The following PRIM2 variants were observed in gnomAD, a reference collection of about 807,000 sequenced individuals.
PRIM2 encodes DNA primase subunit 2.
A neutral mutation model predicts 67.3 loss-of-function variants in PRIM2; 39 were observed. The observed-to-expected ratio is 0.58, with a 90% CI of 0.45 to 0.76. PRIM2 has a LOEUF of 0.76. PRIM2 is among the 30% of genes least tolerant of loss of function. PRIM2 has a pLI of 0.00. For synonymous variants in PRIM2, 143 were observed against 198.7 expected, an observed-to-expected ratio of 0.72 and a Z score of 2.36; for missense variants, 398 against 598.7, an observed-to-expected ratio of 0.66 and a Z score of 3.50.
chr6:57,341,703 C>CT (rs1347383528), intron 5 of PRIM2, among the ~76,000 whole-genome samples: 2 of 152,270 alleles, frequency 1.3e-5, no homozygotes, highest in Non-Finnish European at 2.9e-5. Flanking sequence ...ATCAGTGATG[C>CT]TTTTAGACTC....
the PRIM2 span, among the ~76,000 whole-genome samples, chr6:57,280,956 C>T: frequency 6.6e-6 from 1 of 152,162 alleles, no homozygotes; most frequent in Non-Finnish European, 1.5e-5. Context: ...CCCCATCCCT[C>T]CTGGCCTCTG....
intron 5 of PRIM2, among the ~76,000 whole-genome samples, chr6:57,338,130 C>T (rs1768325999): frequency 6.6e-6 from 1 of 151,710 alleles, no homozygotes; most frequent in Non-Finnish European, 1.5e-5. Context: ...AATTCCTCGA[C>T]ACATACACTC....
At chr6:57,223,411 T>A in the PRIM2 span, among the ~76,000 whole-genome samples, 1 of 152,164 alleles carries the variant, frequency 6.6e-6, no homozygotes, top group African/African-American at 2.4e-5. Flanking sequence ...TGCGTGTCCA[T>A]TTGTGAAAAT....
At chr6:57,623,432 A>T (rs1776892895) in intron 12 of PRIM2, among the ~76,000 whole-genome samples, 1 of 152,220 alleles carries the variant, frequency 6.6e-6, no homozygotes. Flanking sequence ...ATTCATTAAA[A>T]TTGCATTCAA....
At chr6:57,590,433 G>A (rs1776264408) in intron 10 of PRIM2, among the ~76,000 whole-genome samples, 1 of 152,220 alleles carries the variant, frequency 6.6e-6, no homozygotes. Flanking sequence ...CATATAGAGA[G>A]CATGCGCAAG....
chr6:57,598,130 C>G (rs1340687362), intron 10 of PRIM2, among the ~76,000 whole-genome samples: 1 of 152,258 alleles, frequency 6.6e-6, no homozygotes, highest in East Asian at 1.9e-4. Flanking sequence ...TGGCTTCTCA[C>G]TATTTAACAA....
intron 7 of PRIM2, among the ~76,000 whole-genome samples, chr6:57,407,572 C>T (rs1209257085): frequency 1.3e-5 from 2 of 151,954 alleles, no homozygotes; most frequent in African/African-American, 4.8e-5. Context: ...TAGCACTTTG[C>T]CTAAGGAATT....
At chr6:57,580,955 G>GAAA (rs1323619778) in intron 10 of PRIM2, among the ~76,000 whole-genome samples, 1 of 149,408 alleles carries the variant, frequency 6.7e-6, no homozygotes, top group Non-Finnish European at 1.5e-5. Flanking sequence ...AACTATGAAA[G>GAAA]AAAAAAAAAT....
intron 7 of PRIM2, among the ~76,000 whole-genome samples, chr6:57,401,659 T>C (rs879655821): frequency 3.3e-5 from 5 of 152,128 alleles, no homozygotes; most frequent in African/African-American, 1.2e-4. Context: ...GGGACCTTAG[T>C]AGTGTTTGTG....
chr6:57,467,186 G>T (rs1443818284), intron 7 of PRIM2, among the ~76,000 whole-genome samples: 1 of 150,712 alleles, frequency 6.6e-6, no homozygotes, highest in Non-Finnish European at 1.5e-5. Context: ...TTTCAGTCAT[G>T]AAGTCTTTGC....
intron 7 of PRIM2, among the ~76,000 whole-genome samples, chr6:57,386,465 G>A (rs1368999115): frequency 6.6e-6 from 1 of 150,618 alleles, no homozygotes; most frequent in Non-Finnish European, 1.5e-5. Context: ...AGAAAGAAAA[G>A]GATTTGTCCT....
chr6:57,348,669 G>C (rs1416640997), intron 5 of PRIM2, among the ~76,000 whole-genome samples: 1 of 152,026 alleles, frequency 6.6e-6, no homozygotes, highest in Non-Finnish European at 1.5e-5. Flanking sequence ...TTAGTAGACA[G>C]GAGATGGGGA....
At chr6:57,357,312 C>G (rs1253893729) in intron 5 of PRIM2, among the ~76,000 whole-genome samples, 1 of 152,194 alleles carries the variant, frequency 6.6e-6, no homozygotes, top group East Asian at 1.9e-4. Context: ...AACTCTTCAG[C>G]AATTTCCTAT....
chr6:57,534,042 C>A (rs1231143296), intron 9 of PRIM2, among the ~76,000 whole-genome samples: 1 of 152,208 alleles, frequency 6.6e-6, no homozygotes, highest in Non-Finnish European at 1.5e-5. Flanking sequence ...AACAGCATGT[C>A]ATTTGCATAT....
At chr6:57,459,384 T>G (rs1176337348) in intron 7 of PRIM2, among the ~76,000 whole-genome samples, 2 of 152,170 alleles carry the variant, frequency 1.3e-5, no homozygotes, top group Non-Finnish European at 2.9e-5. Flanking sequence ...GCTGTGAGAT[T>G]AGGAATTGAA....
intron 10 of PRIM2, among the ~76,000 whole-genome samples, chr6:57,566,125 T>C (rs1251699930): frequency 6.6e-6 from 1 of 151,974 alleles, no homozygotes; most frequent in Non-Finnish European, 1.5e-5. Context: ...TTTGGGTTTA[T>C]TTGTTTGCTT....
chr6:57,640,456 T>G (rs1420411491), intron 13 of PRIM2, among the ~76,000 whole-genome samples: 1 of 152,186 alleles, frequency 6.6e-6, no homozygotes, highest in Admixed American at 6.5e-5. Flanking sequence ...TGTCTCTGTT[T>G]GCAGATGACA....
intron 7 of PRIM2, among the ~76,000 whole-genome samples, chr6:57,458,303 T>C (rs1266010053): frequency 1.3e-5 from 2 of 152,204 alleles, no homozygotes; most frequent in Non-Finnish European, 2.9e-5. Context: ...CCTTGGCTTA[T>C]ATTTCATTGA....
At chr6:57,479,317 T>G (rs1317249852) in intron 7 of PRIM2, among the ~76,000 whole-genome samples, 3 of 152,152 alleles carry the variant, frequency 2.0e-5, no homozygotes, top group Admixed American at 1.3e-4. Context: ...AATTGGTTGA[T>G]TGGCCATAAT....
Sources: allele counts gnomAD v4.1 joint callset (sites outside exome capture counted in the v4.1 genomes callset), GRCh38; gene constraint gnomAD v4.1.1; transcripts MANE v1.5; gene names NCBI Gene and HGNC (gene_info 2026-07-23, HGNC 2026-07-21).